SNRK: variants seen among roughly 807,000 people sequenced by gnomAD.
SNRK encodes the protein SNF-related serine/threonine-protein kinase.
In SNRK, 3 loss-of-function variants were observed where a neutral mutation model predicts 48.2. The ratio of observed to expected loss-of-function variants is 0.06; its 90% confidence interval spans 0.03 to 0.16. The LOEUF is 0.16. Among genes scored for constraint, SNRK ranks in the 10% least tolerant of loss-of-function variants. The pLI is 1.00. For synonymous variants in SNRK, 376 were observed against 366.1 expected (o/e 1.03, Z -0.31); for missense variants, 627 against 976.0 (o/e 0.64, Z 4.76).
At chr3:43,337,668 G>A (rs2091201920) in intron 4 of SNRK, among the ~76,000 whole-genome samples, 1 of 152,100 alleles carries the variant, frequency 6.6e-6, no homozygotes, top group South Asian at 2.1e-4. Flanking sequence ...TTGACTTGCA[G>A]TTCAGCATGG....
At chr3:43,288,764 G>T (rs1242511220) in intron 1 of SNRK, among the ~76,000 whole-genome samples, 1 of 152,258 alleles carries the variant, frequency 6.6e-6, no homozygotes, top group South Asian at 2.1e-4. Flanking sequence ...ATTAAAAACC[G>T]TAGATGAGAA....
chr3:43,336,420 C>T (rs2091189181), intron 4 of SNRK, among the ~76,000 whole-genome samples: 2 of 152,106 alleles, frequency 1.3e-5, no homozygotes, highest in Non-Finnish European at 1.5e-5. Context: ...CAGCCTTCAA[C>T]TCCTGGGCTC....
chr3:43,331,902 A>G (rs921671832), intron 3 of SNRK, among the ~76,000 whole-genome samples: 5 of 152,174 alleles, frequency 3.3e-5, no homozygotes, highest in Non-Finnish European at 5.9e-5. Context: ...TTCAGTTGAT[A>G]TTATTGCTCT....
At chr3:43,304,370 C>T (rs943750724) in intron 3 of SNRK, among the ~76,000 whole-genome samples, 3 of 152,164 alleles carry the variant, frequency 2.0e-5, no homozygotes, top group Non-Finnish European at 2.9e-5. Context: ...TTGTCTATCT[C>T]ATTGTTCAGA....
intron 1 of SNRK, among the ~76,000 whole-genome samples, chr3:43,290,905 G>A (rs2090806699): frequency 6.6e-6 from 1 of 152,302 alleles, no homozygotes; most frequent in Middle Eastern, 3.4e-3. Flanking sequence ...ATTTAGTTTA[G>A]TGGGGGACAC....
intron 6 of SNRK, among the ~76,000 whole-genome samples, chr3:43,343,901 T>C (rs2091255816): frequency 6.6e-6 from 1 of 152,234 alleles, no homozygotes; most frequent in Non-Finnish European, 1.5e-5. Context: ...AGAGTATTGC[T>C]ATGCCACAGT....
chr3:43,344,494 G>A (rs1029642215), intron 6 of SNRK, among the ~76,000 whole-genome samples: 12 of 152,200 alleles, frequency 7.9e-5, no homozygotes, highest in East Asian at 3.9e-4. Flanking sequence ...AAGCCATTTC[G>A]ATTTTAAGTT....
At chr3:43,295,051 C>T (rs151324266) in intron 1 of SNRK, among the ~76,000 whole-genome samples, 3 of 152,278 alleles carry the variant, frequency 2.0e-5, no homozygotes, top group Admixed American at 1.3e-4. Flanking sequence ...CCTACTTACA[C>T]GTAGGCAGAA....
In SNRK at chr3:43,348,332, C is replaced by T. The variant is rs760619253; in HGVS notation, c.2073C>T (p.Ser691=). 7 of 1,611,962 alleles carry T rather than the reference C, an allele frequency of 4.3e-6. No individual in the cohort carries two copies. The East Asian group carries it at 1.1e-4, about 26-fold the overall frequency. The change falls in exon 7 of 7, where the codon TCC becomes TCT. Residue 691 remains serine, a synonymous_variant. Transcript: ENST00000296088. ...EKSTWKMCIS[S]TGNAGQVPAV... ...CTACGTGGAAAATGTGCATTAGCTC[C>T]ACAGGGAATGCAGGGCAGGTCCCTG...
chr3:43,334,703 C>A (rs1298953458), intron 4 of SNRK, among the ~76,000 whole-genome samples: 1 of 151,924 alleles, frequency 6.6e-6, no homozygotes, highest in Non-Finnish European at 1.5e-5. Flanking sequence ...AAGCGATTCT[C>A]CTGCTTCAGC....
intron 1 of SNRK, among the ~76,000 whole-genome samples, chr3:43,288,249 A>G (rs765973182): frequency 2.0e-5 from 3 of 152,104 alleles, no homozygotes; most frequent in Non-Finnish European, 4.4e-5. Flanking sequence ...TTTTTTTTAA[A>G]TTTGTATAAT....
chr3:43,334,194 T>C (rs1287887457), intron 4 of SNRK, among the ~76,000 whole-genome samples: 3 of 152,046 alleles, frequency 2.0e-5, no homozygotes, highest in Non-Finnish European at 4.4e-5. Flanking sequence ...CTCGTTCCTG[T>C]AATCTCAGCA....
intron 3 of SNRK, among the ~76,000 whole-genome samples, chr3:43,325,282 C>T (rs2091087258): frequency 6.6e-6 from 1 of 152,362 alleles, no homozygotes; most frequent in Non-Finnish European, 1.5e-5. Context: ...TCTCCTGCCT[C>T]AGCCTCCTGA....
intron 3 of SNRK, among the ~76,000 whole-genome samples, chr3:43,308,372 T>C (rs1041781871): frequency 6.6e-6 from 1 of 152,200 alleles, no homozygotes; most frequent in Non-Finnish European, 1.5e-5. Flanking sequence ...AGGACTTTCA[T>C]AGCTAGAGAG....
chr3:43,343,890 T>TA (rs2091255716), intron 6 of SNRK, among the ~76,000 whole-genome samples: 1 of 152,230 alleles, frequency 6.6e-6, no homozygotes, highest in African/African-American at 2.4e-5. Flanking sequence ...TAAAACTAAA[T>TA]AGAGTATTGC....
chr3:43,295,002 C>T (rs1417701678), intron 1 of SNRK, among the ~76,000 whole-genome samples: 4 of 152,130 alleles, frequency 2.6e-5, no homozygotes, highest in African/African-American at 9.7e-5. Context: ...ATTATGTGAA[C>T]ACTTAATGCT....
intron 3 of SNRK, among the ~76,000 whole-genome samples, chr3:43,331,834 A>G (rs1282979235): frequency 6.6e-6 from 1 of 152,150 alleles, no homozygotes; most frequent in Non-Finnish European, 1.5e-5. Context: ...TTTCTGGTAT[A>G]TATTCTAATG....
At chr3:43,294,527 A>G (rs1216712354) in intron 1 of SNRK, among the ~76,000 whole-genome samples, 1 of 152,186 alleles carries the variant, frequency 6.6e-6, no homozygotes, top group African/African-American at 2.4e-5. Flanking sequence ...GTTGGCACTG[A>G]AAGTTTCAGA....
chr3:43,325,808 T>A (rs1158330087), intron 3 of SNRK, among the ~76,000 whole-genome samples: 1 of 152,184 alleles, frequency 6.6e-6, no homozygotes, highest in Non-Finnish European at 1.5e-5. Context: ...AGTTCTCCAA[T>A]GGGTCCCCCC....
Sources: gnomAD v4.1 joint callset for allele counts (sites outside exome capture counted in the v4.1 genomes callset) on GRCh38, gnomAD v4.1.1 for gene constraint, MANE v1.5 for transcripts, NCBI Gene and HGNC (gene_info 2026-07-23, HGNC 2026-07-21) for gene names.